ADGRA1: variants seen among roughly 807,000 people sequenced by gnomAD.
ADGRA1 encodes the protein adhesion G protein-coupled receptor A1, also known as G-protein coupled receptor 123.
Under a neutral mutation model 21.3 loss-of-function variants are expected in ADGRA1, and 12 were observed. The ratio of observed to expected loss-of-function variants is 0.56; its 90% CI spans 0.36 to 0.91. ADGRA1 has a LOEUF of 0.91. Ranked by LOEUF, ADGRA1 falls within the 40% of genes least tolerant of loss-of-function variation. The probability of loss-of-function intolerance (pLI) is 0.01; values close to 1 mark genes in which losing one functional copy is unlikely to be tolerated. For missense variants in ADGRA1, 790 were observed against 805.6 expected (o/e 0.98, Z 0.23); for synonymous variants, 385 against 368.8 (o/e 1.04, Z -0.50).
intron 5 of ADGRA1, among the ~76,000 whole-genome samples, chr10:133,119,993 C>T (rs1392875290): frequency 6.6e-6 from 1 of 152,230 alleles, no homozygotes; most frequent in Non-Finnish European, 1.5e-5. Context: ...CCGTTAGCCC[C>T]TAGCAAGAGA....
At chr10:133,089,667 A>G (rs1444877670) in intron 2 of ADGRA1, among the ~76,000 whole-genome samples, 1 of 152,230 alleles carries the variant, frequency 6.6e-6, no homozygotes, top group African/African-American at 2.4e-5. Flanking sequence ...GCCGCCACAG[A>G]CGCCGGCTGG....
chr10:133,122,741 CT>C (rs1852296199), intron 5 of ADGRA1, among the ~76,000 whole-genome samples: 1 of 152,170 alleles, frequency 6.6e-6, no homozygotes, highest in Admixed American at 6.5e-5. Flanking sequence ...GGCCCCACCC[CT>C]GGCCGTGCCT....
Position 133,101,441 on chromosome 10 carries a change from G to A in ADGRA1, c.256-1256G>A, listed in dbSNP as rs368066314. On this transcript the variant is annotated intron_variant, in intron 4 of 6. Coordinates refer to ENST00000392607, the MANE Select transcript of ADGRA1 (RefSeq NM_001083909.3). ...GGGCAGCCGTGCAGCACCGTGGGAC[G>A]CTGGTGGCTTCCCTGCAGCCTCTCC... Among the ~76,000 whole-genome samples, 14 of 152,334 alleles carry A rather than the reference G, an allele frequency of 9.2e-5. No individual in the cohort carries two copies. The East Asian group carries it at 1.2e-3, about 13-fold the overall frequency.
At chr10:133,088,402 C>A (rs553695439) in intron 1 of ADGRA1, 2 of 154,042 alleles carry the variant, frequency 1.3e-5, no homozygotes, top group East Asian at 1.9e-4. Flanking sequence ...CCGGTGCAAA[C>A]CCCCCGGCGC....
intron 5 of ADGRA1, among the ~76,000 whole-genome samples, chr10:133,125,566 G>A (rs925457453): frequency 2.0e-5 from 3 of 152,014 alleles, no homozygotes; most frequent in Non-Finnish European, 4.4e-5. Flanking sequence ...TGGGACTACA[G>A]GCGCCCGCCA....
At position 133,104,743 on chromosome 10, in the gene ADGRA1, C is replaced by G. The variant is rs542754768; in HGVS notation, c.401+1901C>G. Reference sequence around the variant, plus strand: ...GTCGCTCCGCCTCCCCAGCCGCCCCCCCGGTGTCTGGCCAGGGCTCAGCCT... The same window carrying G: ...GTCGCTCCGCCTCCCCAGCCGCCCCGCCGGTGTCTGGCCAGGGCTCAGCCT... On this transcript the variant is annotated intron_variant, in intron 5 of 6. Transcript: ENST00000392607. 9.9e-4 allele frequency among the ~76,000 whole-genome samples: 151 copies of G among 152,316 alleles called. No homozygotes were observed. In the Middle Eastern group the frequency reaches 0.014, roughly 14 times the overall value.
At chr10:133,106,830 G>A (rs1851902238) in intron 5 of ADGRA1, among the ~76,000 whole-genome samples, 1 of 152,228 alleles carries the variant, frequency 6.6e-6, no homozygotes, top group Non-Finnish European at 1.5e-5. Context: ...CACCCCCGCG[G>A]CTCAGAGTGC....
At chr10:133,116,675 C>G (rs1280702051) in intron 5 of ADGRA1, among the ~76,000 whole-genome samples, 2 of 152,092 alleles carry the variant, frequency 1.3e-5, no homozygotes, top group African/African-American at 4.8e-5. Context: ...GGAGGGCCCC[C>G]CTTCCTCAGT....
intron 4 of ADGRA1, 47 bp downstream of exon 4, chr10:133,098,810 G>A (rs11101916): frequency 0.17 from 261,816 of 1,576,698 alleles, 22,799 homozygotes; most frequent in Non-Finnish European, 0.18. Flanking sequence ...GGGGAACTGC[G>A]TGAGCGTCGT....
At chr10:133,093,851 T>C (rs976451300) in intron 2 of ADGRA1, among the ~76,000 whole-genome samples, 9 of 152,264 alleles carry the variant, frequency 5.9e-5, no homozygotes, top group Non-Finnish European at 1.3e-4. Flanking sequence ...AATCGGTGCA[T>C]GTGCAAACTT....
Position 133,091,606 on chromosome 10 carries a change from A to G in ADGRA1, c.3+2694A>G, listed in dbSNP as rs139609480. ...GGGTGGAGGCTCTCAAAGGGGACTC[A>G]ACCGAGCCCCTTCCAGCTCTCAATT... On this transcript the variant is annotated intron_variant, in intron 2 of 6. Coordinates refer to ENST00000392607, the MANE Select transcript of ADGRA1 (RefSeq NM_001083909.3). 7.1e-3 allele frequency among the ~76,000 whole-genome samples: 1,085 copies of G among 152,326 alleles called. 8 individuals are homozygous for G. The highest frequency in any genetic ancestry group is 0.041 in the Middle Eastern group (12 of 294).
At chr10:133,122,231 G>T (rs901574640) in intron 5 of ADGRA1, among the ~76,000 whole-genome samples, 7 of 152,248 alleles carry the variant, frequency 4.6e-5, no homozygotes, top group African/African-American at 1.7e-4. Context: ...TTTTCGCTCA[G>T]GCTGTGATGG....
In ADGRA1 at chr10:133,130,109, C is replaced by G. The variant is rs1243507961; in HGVS notation, c.*598C>G. 6.5e-6 allele frequency: 1 copy of G among 153,314 alleles called. No homozygotes were observed. The highest frequency in any genetic ancestry group is 1.5e-5 in the Non-Finnish European group (1 of 68,824). 9.5% of individuals were successfully genotyped at this position (153,314 alleles called of 1,614,324 possible). A position where few individuals can be genotyped will look rare whatever the true frequency, so the allele number is the denominator to read the frequency against. On this transcript the variant is annotated 3_prime_UTR_variant, in exon 7 of 7. Coordinates refer to ENST00000392607, the MANE Select transcript of ADGRA1 (RefSeq NM_001083909.3). ...CCTCCGCTGTCGTGTGTCTGAGCCA[C>G]CCCTGCAGCTTCACAGGGCCCCTGC... is the stretch of plus-strand genomic sequence containing the variant.
At chr10:133,124,545 C>G (rs1300354121) in intron 5 of ADGRA1, among the ~76,000 whole-genome samples, 1 of 152,242 alleles carries the variant, frequency 6.6e-6, no homozygotes, top group Admixed American at 6.5e-5. Flanking sequence ...CACCTGGGCA[C>G]AGAGGGGTGG....
At chr10:133,112,940 C>G (rs1055354510) in intron 5 of ADGRA1, among the ~76,000 whole-genome samples, 1 of 145,170 alleles carries the variant, frequency 6.9e-6, no homozygotes, top group Non-Finnish European at 1.5e-5. Context: ...TATTTGAGGT[C>G]TGCGGGCTGT....
intron 4 of ADGRA1, among the ~76,000 whole-genome samples, chr10:133,100,831 T>A (rs1023426848): frequency 7.2e-5 from 11 of 152,154 alleles, no homozygotes; most frequent in African/African-American, 2.7e-4. Flanking sequence ...GACGCAAGTG[T>A]GGAAAATGAA....
chr10:133,089,737 C>G (rs1006444837), intron 2 of ADGRA1, among the ~76,000 whole-genome samples: 4 of 152,246 alleles, frequency 2.6e-5, no homozygotes, highest in African/African-American at 7.2e-5. Context: ...GAGTCACTTG[C>G]TCATTTTCTT....
chr10:133,102,141 G>A (rs1333263684), intron 4 of ADGRA1: 3 of 445,562 alleles, frequency 6.7e-6, no homozygotes, highest in Non-Finnish European at 9.1e-6. Flanking sequence ...ACGGCGACCT[G>A]CAGGGCCACA....
At chr10:133,112,292 T>C (rs1425426416) in intron 5 of ADGRA1, among the ~76,000 whole-genome samples, 1 of 152,060 alleles carries the variant, frequency 6.6e-6, no homozygotes, top group Non-Finnish European at 1.5e-5. Flanking sequence ...CACCAAGCTG[T>C]GTCAGTTATT....
Sources: gnomAD v4.1 joint callset for allele counts (sites outside exome capture counted in the v4.1 genomes callset) on GRCh38, gnomAD v4.1.1 for gene constraint, MANE v1.5 for transcripts, NCBI Gene and HGNC (gene_info 2026-07-23, HGNC 2026-07-21) for gene names.